SEMA4A: variants seen among roughly 807,000 people sequenced by gnomAD.
The protein encoded by SEMA4A is semaphorin 4A, also known as semaphorin-4A.
In SEMA4A, 52 loss-of-function variants were observed where a neutral mutation model predicts 72.5. The ratio of observed to expected loss-of-function variants is 0.72; its 90% CI spans 0.57 to 0.90. The LOEUF is 0.90. Ranked by LOEUF, SEMA4A falls within the 40% of genes least tolerant of loss-of-function variation. SEMA4A has a pLI of 0.00. For synonymous variants in SEMA4A, 369 were observed against 393.1 expected (o/e 0.94, Z 0.73); for missense variants, 926 against 959.7 (o/e 0.96, Z 0.46).
Position 156,158,458 on chromosome 1 carries a change from T to C in SEMA4A, c.434T>C (p.Phe145Ser). Residue 145 changes from phenylalanine to serine, a missense_variant, in exon 5 of 15, where the codon TTC (phenylalanine) becomes TCC (serine). Phe to Ser is a radical substitution (Grantham distance 155, BLOSUM62 -2). Transcript: ENST00000368285. ...ACCCATCTCTACACCTGCGGCACCT[T>C]CGCCTTCAGCCCTGCTTGTACCTTC... ...NVTHLYTCGT[F>S]AFSPACTFIE... 6.2e-7 allele frequency: 1 copy of C among 1,613,962 alleles called. No homozygotes were observed. The highest frequency in any genetic ancestry group is 8.5e-7 in the Non-Finnish European group (1 of 1,179,850).
chr1:156,160,566 AC>A lies in SEMA4A; in HGVS notation c.685+9del, dbSNP rs775379713. Reference sequence around the variant, plus strand: ...TTCCTCCGCTGGCTGCATCGTAAGGACCTGACCCCCGCTGGCCTCCTTTCCT... The same window carrying A: ...TTCCTCCGCTGGCTGCATCGTAAGGACTGACCCCCGCTGGCCTCCTTTCCT... On this transcript the variant is annotated splice_region_variant and intron_variant, in intron 7 of 14. Transcript: ENST00000368285. 1.9e-6 allele frequency: 3 copies of A among 1,611,460 alleles called. No individual in the cohort carries two copies. The highest frequency in any genetic ancestry group is 2.2e-5 in the South Asian group (2 of 90,998).
At chr1:156,159,016 A>C in intron 6 of SEMA4A, 192 bp downstream of exon 6, 2 of 528,702 alleles carry the variant, frequency 3.8e-6, no homozygotes, top group Non-Finnish European at 6.7e-6. Context: ...CCTGGGCAAC[A>C]CAGCGAGATC....
In SEMA4A at chr1:156,176,702, C is replaced by G. The variant is rs200251591; in HGVS notation, c.1991C>G (p.Pro664Arg). Residue 664 changes from proline to arginine, a missense_variant, in exon 15 of 15, where the codon CCG becomes CGG. Physicochemically the swap from Pro to Arg is moderately radical, Grantham distance 103. Coordinates refer to ENST00000368285, the MANE Select transcript of SEMA4A (RefSeq NM_022367.4). Reference sequence around the variant, plus strand: ...ATCCCCCGGGAGCATGTGAAGGTCCCGTTGACCAGGGTCAGTGGTGGGGCC... The same window carrying G: ...ATCCCCCGGGAGCATGTGAAGGTCCGGTTGACCAGGGTCAGTGGTGGGGCC... ...AGIPREHVKV[P>R]LTRVSGGAAL... The G allele has an allele frequency of 1.9e-6, 3 of 1,614,066 alleles. No individual in the cohort carries two copies. Among genetic ancestry groups the G allele is most frequent in the Non-Finnish European group, 2.5e-6 (3 of 1,179,922 alleles).
rs775354645 is a variant in SEMA4A, at chr1:156,163,034, C to G, written c.1074C>G (p.Asn358Lys). 6.2e-7 allele frequency: 1 copy of G among 1,614,056 alleles called. No individual in the cohort carries two copies. The highest frequency in any genetic ancestry group is 1.7e-5 in the Admixed American group (1 of 59,996). ...TTAAGGGGAAATACAAAGAGTTGAA[C>G]AAAGAAACTTCACGCTGGACTACTT... Reference protein sequence around the residue: ...RVFKGKYKELNKETSRWTTYR... With the variant: ...RVFKGKYKELKKETSRWTTYR... The change falls in exon 10 of 15, where the codon AAC becomes AAG. Residue 358 changes from asparagine to lysine, a missense_variant. Transcript: ENST00000368285.
At chr1:156,150,212 CG>C (rs1485020167), upstream of SEMA4A, 1 of 152,186 alleles carries the variant, frequency 6.6e-6, no homozygotes, top group Non-Finnish European at 1.5e-5. Flanking sequence ...TGATACTCAG[CG>C]CAGCCTTCCA....
chr1:156,149,207 G>A (rs1353047636), upstream of SEMA4A, among the ~76,000 whole-genome samples: 1 of 152,178 alleles, frequency 6.6e-6, no homozygotes, highest in Non-Finnish European at 1.5e-5. Context: ...CTGGGAGAGG[G>A]CACAGGCTTG....
At chr1:156,162,439 G>T (rs1190123824) in intron 9 of SEMA4A, among the ~76,000 whole-genome samples, 3 of 152,200 alleles carry the variant, frequency 2.0e-5, no homozygotes, top group Non-Finnish European at 4.4e-5. Flanking sequence ...AGAATTGAGA[G>T]CCTGGTGTAT....
At chr1:156,162,806 G>A in intron 9 of SEMA4A, 138 bp from the exon 10 acceptor site, 1 of 1,035,032 alleles carries the variant, frequency 9.7e-7, no homozygotes. Flanking sequence ...ACACAGTGAG[G>A]GGAAGGAGTG....
At position 156,163,107 on chromosome 1, in the gene SEMA4A, C is replaced by G. The variant is rs1241386216; in HGVS notation, c.1134+13C>G. The stretch of plus-strand genomic sequence containing the variant: ...CCGGCCAGGCAGTGTGAGTACTACC[C>G]CCCACACTGAGCACAGTCTACACAT... On this transcript the variant is annotated intron_variant, in intron 10 of 14. Coordinates refer to ENST00000368285, the MANE Select transcript of SEMA4A (RefSeq NM_022367.4). 1 of 1,607,746 alleles carries G rather than the reference C, an allele frequency of 6.2e-7. No homozygotes were observed. The highest frequency in any genetic ancestry group is 8.5e-7 in the Non-Finnish European group (1 of 1,176,328).
At chr1:156,176,378 C>CAAAG in intron 14 of SEMA4A, 27 bp from the exon 15 acceptor site, 1 of 1,536,902 alleles carries the variant, frequency 6.5e-7, no homozygotes, top group Non-Finnish European at 9.0e-7. Flanking sequence ...CTCCCTTAAC[C>CAAAG]CTTTTGCTCC....
In SEMA4A at chr1:156,154,585, C is replaced by G; in HGVS notation, c.7C>G (p.Leu3Val). The change falls in exon 2 of 15, where the codon CTC becomes GTC. Residue 3 changes from leucine (L) to valine (V), a missense_variant. Physicochemically the swap from Leu to Val is conservative, Grantham distance 32 (BLOSUM62 1). Coordinates refer to ENST00000368285, the MANE Select transcript of SEMA4A (RefSeq NM_022367.4). ...TGACAGTCTGTGGCTGAGCATGGCC[C>G]TCCCAGCCCTGGGCCTGGACCCCTG... is the stretch of plus-strand genomic sequence containing the variant. MA[L>V]PALGLDPWSL... is the part of the protein sequence containing the mutation. The G allele has an allele frequency of 6.2e-7, 1 of 1,610,220 alleles. No individual in the cohort carries two copies.
In SEMA4A at chr1:156,177,115, G is replaced by GCAGA; in HGVS notation, c.*118_*119insCAGA. Reference sequence around the variant, plus strand: ...AAAGACCACCTTTCTCCCCTGAGAGGAGCTTCTGCTACTCTGCATCACTGA... The same window carrying GCAGA: ...AAAGACCACCTTTCTCCCCTGAGAGGCAGAAGCTTCTGCTACTCTGCATCACTGA... On this transcript the variant is annotated 3_prime_UTR_variant, in exon 15 of 15. Transcript: ENST00000368285. 2 of 875,138 alleles carry GCAGA rather than the reference G, an allele frequency of 2.3e-6. No individual in the cohort carries two copies. The highest frequency in any genetic ancestry group is 1.8e-6 in the Non-Finnish European group (1 of 542,504). The allele number at this position is 875,138 out of a possible 1,614,324, so 54.2% of individuals were successfully genotyped here.
In SEMA4A at chr1:156,158,109, G is replaced by A. The variant is rs147171759; in HGVS notation, c.340G>A (p.Ala114Thr). The change falls in exon 4 of 15, where the codon GCC becomes ACC. Residue 114 changes from alanine (A) to threonine (T), a missense_variant. By Grantham distance (58) the Ala-to-Thr change is moderately conservative. Transcript: ENST00000368285. The part of the protein sequence containing the change: ...PASDRKKSEC[A>T]FKKKSNETQC... ...CAGTGACAGAAAAAAGAGTGAATGT[G>A]CCTTTAAGAAGAAGAGCAATGAGGT... The A allele has an allele frequency of 2.8e-5, 46 of 1,614,066 alleles. No homozygotes were observed. Among genetic ancestry groups the A allele is most frequent in the South Asian group, 2.0e-4 (18 of 91,086 alleles).
intron 7 of SEMA4A, 150 bp from the exon 8 acceptor site, chr1:156,160,755 C>A: frequency 1.7e-6 from 2 of 1,200,820 alleles, no homozygotes; most frequent in Non-Finnish European, 2.4e-6. Flanking sequence ...ACCAGTCATC[C>A]CCACCCCACA....
At chr1:156,165,654 CT>C (rs112068511) in intron 10 of SEMA4A, among the ~76,000 whole-genome samples, 13 of 147,900 alleles carry the variant, frequency 8.8e-5, no homozygotes, top group Non-Finnish European at 1.1e-4. Context: ...TCACTGAAAT[CT>C]TTTTTTTTTG....
chr1:156,172,596 C>T (rs1412613259), intron 10 of SEMA4A, among the ~76,000 whole-genome samples: 3 of 152,136 alleles, frequency 2.0e-5, no homozygotes, highest in Non-Finnish European at 4.4e-5. Context: ...ATTTTCCCAG[C>T]GAGCCTATGA....
At position 156,162,964 on chromosome 1, in the gene SEMA4A, G is replaced by A. The variant is rs1191063140; in HGVS notation, c.1004G>A (p.Ser335Asn). ...TSQWQVGGTRSSAVCAFSLLD... is the reference protein window; with the variant it reads ...TSQWQVGGTRNSAVCAFSLLD... ...TCCAGGCAGGTTGGCGGGACCAGGA[G>A]CTCTGCGGTTTGTGCCTTCTCTCTC... The change falls in exon 10 of 15, where the codon AGC (serine) becomes AAC (asparagine). Residue 335 changes from serine to asparagine, a missense_variant. Coordinates refer to ENST00000368285, the MANE Select transcript of SEMA4A (RefSeq NM_022367.4). 2 of 1,613,926 alleles carry A rather than the reference G, an allele frequency of 1.2e-6. No individual in the cohort carries two copies. Among genetic ancestry groups the A allele is most frequent in the Non-Finnish European group, 8.5e-7 (1 of 1,180,038 alleles).
chr1:156,172,764 G>T, intron 10 of SEMA4A, 62 bp from the exon 11 acceptor site: 1 of 1,458,038 alleles, frequency 6.9e-7, no homozygotes, highest in Non-Finnish European at 9.6e-7. Context: ...AGCAGGCGTT[G>T]GAGGGAGGGT....
chr1:156,171,817 T>C (rs1413735550), intron 10 of SEMA4A, among the ~76,000 whole-genome samples: 1 of 152,062 alleles, frequency 6.6e-6, no homozygotes, highest in Non-Finnish European at 1.5e-5. Flanking sequence ...CGAGTCTCAC[T>C]CTGTCGCCCA....
Sources: gnomAD v4.1 joint callset for allele counts (sites outside exome capture counted in the v4.1 genomes callset) on GRCh38, gnomAD v4.1.1 for gene constraint, MANE v1.5 for transcripts, NCBI Gene and HGNC (gene_info 2026-07-23, HGNC 2026-07-21) for gene names.